The following ATF6 variants were observed in gnomAD, a reference collection of about 807,000 sequenced individuals.
ATF6 encodes activating transcription factor 6.
In ATF6, 53 loss-of-function variants were observed where a neutral mutation model predicts 83.6. That is an observed-to-expected ratio of 0.63 (90% CI 0.51 to 0.80). The LOEUF (loss-of-function observed/expected upper bound fraction) is 0.80, where lower values mean the gene tolerates loss of function less well. ATF6 is among the 30% of genes least tolerant of loss of function. The probability of loss-of-function intolerance (pLI) is 0.00; values close to 1 mark genes in which losing one functional copy is unlikely to be tolerated. For missense variants in ATF6, 744 were observed against 797.9 expected (o/e 0.93, Z 0.81); for synonymous variants, 288 against 285.8 (o/e 1.01, Z -0.08).
At chr1:161,783,076 C>CA (rs942153118) in intron 3 of ATF6, among the ~76,000 whole-genome samples, 3 of 152,156 alleles carry the variant, frequency 2.0e-5, no homozygotes, top group Non-Finnish European at 4.4e-5. Flanking sequence ...GGAGTGCCTG[C>CA]ATAGGGCCTC....
At chr1:161,863,057 A>T (rs1309770204) in intron 13 of ATF6, 141 bp from the exon 14 acceptor site, 3 of 516,976 alleles carry the variant, frequency 5.8e-6, no homozygotes, top group African/African-American at 1.9e-5. Flanking sequence ...AAATATTGTT[A>T]TAAAAATTAC....
chr1:161,767,983 G>A (rs1162193305), intron 1 of ATF6, among the ~76,000 whole-genome samples: 2 of 152,128 alleles, frequency 1.3e-5, no homozygotes, highest in Non-Finnish European at 2.9e-5. Flanking sequence ...AGCCTCCCGA[G>A]TAGCTGGGAT....
At chr1:161,801,018 T>C (rs914846625) in intron 6 of ATF6, among the ~76,000 whole-genome samples, 1 of 152,210 alleles carries the variant, frequency 6.6e-6, no homozygotes, top group Non-Finnish European at 1.5e-5. Context: ...GTCATTATTA[T>C]AGATTGAGTA....
In ATF6 at chr1:161,918,607, G is replaced by C. The variant is rs191370942; in HGVS notation, c.1804+6227G>C. Reference sequence around the variant, plus strand: ...AAGTTTGAGTACCTATTTATTGAAAGAGCAGAGACATTGTGAGGCTATCCC... The same window carrying C: ...AAGTTTGAGTACCTATTTATTGAAACAGCAGAGACATTGTGAGGCTATCCC... On this transcript the variant is annotated intron_variant, in intron 15 of 15. Transcript: ENST00000367942. Among the ~76,000 whole-genome samples, 145 of 152,292 alleles carry C rather than the reference G, an allele frequency of 9.5e-4. 3 individuals carry two copies. The Middle Eastern group carries it at 0.014, about 14-fold the overall frequency.
chr1:161,813,737 T>C (rs1685533460), intron 7 of ATF6, among the ~76,000 whole-genome samples: 1 of 152,130 alleles, frequency 6.6e-6, no homozygotes, highest in Non-Finnish European at 1.5e-5. Context: ...GTGACGTGAT[T>C]TATTTTTATT....
Position 161,829,610 on chromosome 1 carries a change from T to C in ATF6, c.1187+8449T>C, listed in dbSNP as rs1685997294. On this transcript the variant is annotated intron_variant, in intron 9 of 15. Transcript: ENST00000367942. ...ATATCAAAAAGCTTATCCACCATGA[T>C]CAAGTGGGCTTCATCCCTGGGATGC... Among the ~76,000 whole-genome samples, 3 of 152,198 alleles carry C rather than the reference T, an allele frequency of 2.0e-5. No homozygotes were observed. The South Asian group carries it at 6.2e-4, about 32-fold the overall frequency.
intron 15 of ATF6, among the ~76,000 whole-genome samples, chr1:161,923,218 G>A (rs1688249448): frequency 6.6e-6 from 1 of 152,018 alleles, no homozygotes; most frequent in South Asian, 2.1e-4. Flanking sequence ...TGAAGGTGGT[G>A]GTGTTTTTTT....
At chr1:161,832,359 C>T (rs2101801435) in intron 9 of ATF6, among the ~76,000 whole-genome samples, 1 of 152,276 alleles carries the variant, frequency 6.6e-6, no homozygotes, top group Non-Finnish European at 1.5e-5. Context: ...TTCTGCATTT[C>T]CAACTGAGGT....
chr1:161,804,158 T>C (rs907114222), intron 7 of ATF6, among the ~76,000 whole-genome samples: 1 of 152,210 alleles, frequency 6.6e-6, no homozygotes, highest in African/African-American at 2.4e-5. Flanking sequence ...TCTTTTAAAT[T>C]ATGAACTTGA....
In ATF6 at chr1:161,961,103, T is replaced by C. The variant is rs1054701877; in HGVS notation, c.*2449T>C. On this transcript the variant is annotated 3_prime_UTR_variant, in exon 16 of 16. Coordinates refer to ENST00000367942, the MANE Select transcript of ATF6 (RefSeq NM_007348.4). Reference sequence around the variant, plus strand: ...ACTTCATCCCTCGATTCCCAGCTTTTTCTATCATCATTTTGCCAACTCCTC... The same window carrying C: ...ACTTCATCCCTCGATTCCCAGCTTTCTCTATCATCATTTTGCCAACTCCTC... 1 of 152,234 alleles carries C rather than the reference T, an allele frequency of 6.6e-6. No homozygotes were observed. Among genetic ancestry groups the C allele is most frequent in the South Asian group, 2.1e-4 (1 of 4,832 alleles). The allele number at this position is 152,234 out of a possible 1,614,324, so 9.4% of individuals were successfully genotyped here.
intron 15 of ATF6, among the ~76,000 whole-genome samples, chr1:161,916,646 C>T (rs1240892718): frequency 6.6e-6 from 1 of 152,184 alleles, no homozygotes; most frequent in African/African-American, 2.4e-5. Flanking sequence ...TTATACATTA[C>T]ACCCACTCAT....
chr1:161,822,554 T>C (rs1357343117), intron 9 of ATF6, among the ~76,000 whole-genome samples: 1 of 152,170 alleles, frequency 6.6e-6, no homozygotes, highest in South Asian at 2.1e-4. Flanking sequence ...AAAAAAAACA[T>C]TTTTTATGAA....
At position 161,894,775 on chromosome 1, in the gene ATF6, CT is replaced by C. The variant is rs1287370605; in HGVS notation, c.1720-17520del. ...CCATCTCAGCCAGGCTGACCGGGAA[CT>C]CTTGACCTCGTGAGCCACCCGCCTT... On this transcript the variant is annotated intron_variant, in intron 14 of 15. Coordinates refer to ENST00000367942, the MANE Select transcript of ATF6 (RefSeq NM_007348.4). 4.8e-5 allele frequency among the ~76,000 whole-genome samples: 7 copies of C among 144,570 alleles called. 1 individual carries two copies. Among genetic ancestry groups the C allele is most frequent in the Non-Finnish European group, 1.0e-4 (7 of 66,870 alleles). The allele number at this position is 144,570 out of a possible 152,430, so 94.8% of individuals were successfully genotyped here.
At position 161,940,559 on chromosome 1, in the gene ATF6, CTTTT is replaced by C. The variant is rs71301060; in HGVS notation, c.1805-17873_1805-17870del. Among the ~76,000 whole-genome samples the C allele has an allele frequency of 1.7e-5, 2 of 118,422 alleles. 1 individual carries two copies. The highest frequency in any genetic ancestry group is 3.5e-5 in the Non-Finnish European group (2 of 57,848). 77.7% of individuals were successfully genotyped at this position (118,422 alleles called of 152,430 possible). A position where few individuals can be genotyped will look rare whatever the true frequency, so the allele number is the denominator to read the frequency against. On this transcript the variant is annotated intron_variant, in intron 15 of 15. Coordinates refer to ENST00000367942, the MANE Select transcript of ATF6 (RefSeq NM_007348.4). ...GTCTCAAGTGTCACCTCCTTCAGAT[CTTTT>C]TTTTTTTTTTTTTGAGACAGAGTCT...
At chr1:161,840,710 T>C (rs1333320966) in intron 9 of ATF6, among the ~76,000 whole-genome samples, 1 of 152,196 alleles carries the variant, frequency 6.6e-6, no homozygotes, top group Non-Finnish European at 1.5e-5. Flanking sequence ...TTCCAGACTT[T>C]CGGGGAAATT....
chr1:161,904,614 CAAAA>C (rs961255145), intron 14 of ATF6, among the ~76,000 whole-genome samples: 1 of 147,382 alleles, frequency 6.8e-6, no homozygotes, highest in Non-Finnish European at 1.5e-5. Flanking sequence ...AAACAAAAAA[CAAAA>C]AAAACAAAAC....
At chr1:161,870,465 G>C (rs1175784996) in intron 14 of ATF6, among the ~76,000 whole-genome samples, 1 of 151,766 alleles carries the variant, frequency 6.6e-6, no homozygotes, top group African/African-American at 2.4e-5. Context: ...AGCAAAAACA[G>C]AAGCTGTTTT....
chr1:161,906,709 C>T (rs1468195105), intron 14 of ATF6, among the ~76,000 whole-genome samples: 1 of 152,156 alleles, frequency 6.6e-6, no homozygotes, highest in African/African-American at 2.4e-5. Flanking sequence ...CTTGGGCCAT[C>T]TGTTGTACAC....
chr1:161,872,083 C>T lies in ATF6; in HGVS notation c.1719+8771C>T, dbSNP rs191409114. Among the ~76,000 whole-genome samples the T allele has an allele frequency of 3.9e-3, 597 of 151,562 alleles. 2 individuals are homozygous for T. Among genetic ancestry groups the T allele is most frequent in the Non-Finnish European group, 6.6e-3 (445 of 67,536 alleles). On this transcript the variant is annotated intron_variant, in intron 14 of 15. Coordinates refer to ENST00000367942, the MANE Select transcript of ATF6 (RefSeq NM_007348.4). ...AATAACACTTATACAGAACACAATA[C>T]GATAATCTTTAATCTTTATAATTGA...
Sources: gnomAD v4.1 joint callset for allele counts (sites outside exome capture counted in the v4.1 genomes callset) on GRCh38, gnomAD v4.1.1 for gene constraint, MANE v1.5 for transcripts, NCBI Gene and HGNC (gene_info 2026-07-23, HGNC 2026-07-21) for gene names.